Variants in DOCK11 observed in about 807,000 individuals in gnomAD.
DOCK11 encodes dedicator of cytokinesis protein 11.
Under a neutral mutation model 169.1 loss-of-function variants are expected in DOCK11, and 70 were observed. That is an observed-to-expected ratio of 0.41 (90% CI 0.34 to 0.51). The LOEUF (loss-of-function observed/expected upper bound fraction) is 0.51, where lower values mean the gene tolerates loss of function less well. Ranked by LOEUF, DOCK11 falls within the 20% of genes least tolerant of loss-of-function variation. DOCK11 has a pLI of 0.10. For synonymous variants in DOCK11, 529 were observed against 541.3 expected (o/e 0.98, Z 0.32); for missense variants, 1,166 against 1,538.8 (o/e 0.76, Z 4.05).
At chrX:118,525,955 G>A (rs927231269) in intron 1 of DOCK11, among the ~76,000 whole-genome samples, 2 of 112,138 alleles carry the variant, frequency 1.8e-5, no homozygotes, top group Non-Finnish European at 3.8e-5. Flanking sequence ...ACCACTTCCC[G>A]TATAGGTGGC....
intron 7 of DOCK11, among the ~76,000 whole-genome samples, chrX:118,564,736 G>A (rs1207168647): frequency 1.0e-4 from 8 of 79,690 alleles, no homozygotes; most frequent in South Asian, 5.6e-4. Flanking sequence ...TCTCTCTTTC[G>A]TTCTTTCCTT....
At chrX:118,645,911 C>T (rs1169901524) in intron 40 of DOCK11, among the ~76,000 whole-genome samples, 3 of 101,332 alleles carry the variant, frequency 3.0e-5, no homozygotes, top group Non-Finnish European at 6.0e-5. Flanking sequence ...AAAAAATTAG[C>T]TGGGCATGGT....
intron 10 of DOCK11, among the ~76,000 whole-genome samples, chrX:118,571,685 C>T (rs12556842): frequency 0.31 from 34,590 of 110,882 alleles, 4,247 homozygotes; most frequent in East Asian, 0.51. Flanking sequence ...AACCAAATTT[C>T]GACTGTCCTG....
intron 1 of DOCK11, among the ~76,000 whole-genome samples, chrX:118,507,530 A>G (rs1244094082): frequency 9.0e-6 from 1 of 110,937 alleles, no homozygotes; most frequent in Non-Finnish European, 1.9e-5. Context: ...TTGTGTTTTT[A>G]GTAGAGACGG....
intron 1 of DOCK11, among the ~76,000 whole-genome samples, chrX:118,528,904 C>T (rs2011443592): frequency 9.1e-6 from 1 of 110,495 alleles, no homozygotes; most frequent in Non-Finnish European, 1.9e-5. Context: ...ATTACCAGCA[C>T]AAATGGAGTT....
At position 118,649,520 on chromosome X, in the gene DOCK11, A is replaced by G. The variant is rs556876260; in HGVS notation, c.4581+393A>G. Among the ~76,000 whole-genome samples the G allele has an allele frequency of 2.5e-4, 28 of 110,937 alleles. 1 individual carries two copies. Among genetic ancestry groups the G allele is most frequent in the African/African-American group, 9.2e-4 (28 of 30,523 alleles). ...TAGGCTTTATTTCAAATTTTATTTT[A>G]TTTTATTTTATTTTTTGAGACGGAG... On this transcript the variant is annotated intron_variant, in intron 41 of 52. Transcript: ENST00000276202.
chrX:118,518,232 G>C (rs1025946921), intron 1 of DOCK11, among the ~76,000 whole-genome samples: 2 of 111,623 alleles, frequency 1.8e-5, no homozygotes, highest in African/African-American at 6.5e-5. Context: ...GAAATGGAAG[G>C]TCTTGCCTCT....
chrX:118,605,443 C>T (rs753352315), intron 24 of DOCK11, 87 bp downstream of exon 24: 5 of 595,051 alleles, frequency 8.4e-6, no homozygotes, highest in Non-Finnish European at 1.3e-5. Flanking sequence ...TATAAACTTC[C>T]CTCTTAGAAC....
rs1190348613 is a variant in DOCK11 at position 118,615,339 on chromosome X, A to T, written c.3181-261A>T. 6.2e-5 allele frequency among the ~76,000 whole-genome samples: 7 copies of T among 112,221 alleles called. No individual in the cohort carries two copies. The Admixed American group carries it at 6.6e-4, about 11-fold the overall frequency. ...TCACAATGTTTGTACAAATAGTCTA[A>T]GCAGGCTGACACAGAAGGTGCAACT... On this transcript the variant is annotated intron_variant, in intron 29 of 52. Transcript: ENST00000276202.
rs1184712869 is a variant in DOCK11, at chrX:118,531,702, C to T, written c.103-11023C>T. 4.6e-5 allele frequency among the ~76,000 whole-genome samples: 5 copies of T among 109,010 alleles called. 1 individual carries two copies. In the South Asian group the frequency reaches 1.2e-3, roughly 26 times the overall value. The allele number at this position is 109,010 out of a possible 115,157, so 94.7% of individuals were successfully genotyped here. On this transcript the variant is annotated intron_variant, in intron 1 of 52. Transcript: ENST00000276202. ...CCTCCCGAGTAGCTGGGATTACAGG[C>T]GCCCGCCACCACATCTGGCTAACTT...
chrX:118,685,499 T>C (rs371810306), intron 52 of DOCK11, 189 bp from the exon 53 acceptor site: 20 of 419,996 alleles, frequency 4.8e-5, no homozygotes, highest in Middle Eastern at 7.5e-4. Context: ...GCTTTTTTGA[T>C]ATGCTGCCTT....
rs930525753 is a variant in DOCK11, at chrX:118,585,200, C to T, written c.1795+83C>T. On this transcript the variant is annotated intron_variant, in intron 16 of 52. Coordinates refer to ENST00000276202, the MANE Select transcript of DOCK11 (RefSeq NM_144658.4). Reference sequence around the variant, plus strand: ...CTTTCAATATTTTTCTTGAGGTTTACGTGGCATATTAGTTTCCCAGGGTTG... The same window carrying T: ...CTTTCAATATTTTTCTTGAGGTTTATGTGGCATATTAGTTTCCCAGGGTTG... The T allele has an allele frequency of 4.7e-5, 42 of 898,678 alleles. No homozygotes were observed. The Middle Eastern group carries it at 1.0e-3, about 22-fold the overall frequency. The allele number at this position is 898,678 out of a possible 1,213,427, so 74.1% of individuals were successfully genotyped here.
intron 49 of DOCK11, 37 bp downstream of exon 49, chrX:118,680,729 T>C (rs747220372): frequency 9.2e-7 from 1 of 1,089,826 alleles, no homozygotes; most frequent in East Asian, 3.2e-5. Context: ...CTTATTTGTC[T>C]TGGTCTTTTT....
intron 40 of DOCK11, among the ~76,000 whole-genome samples, chrX:118,647,715 T>TA (rs1284199183): frequency 1.8e-5 from 1 of 54,606 alleles, no homozygotes; most frequent in East Asian, 5.9e-4. Context: ...AATAATATAA[T>TA]ATATAATAAT....
intron 10 of DOCK11, among the ~76,000 whole-genome samples, chrX:118,570,125 T>C (rs2013227729): frequency 8.9e-6 from 1 of 112,255 alleles, no homozygotes; most frequent in South Asian, 3.7e-4. Flanking sequence ...GTTGTATCTG[T>C]CGAGTACCTT....
At chrX:118,549,106 C>CTGTGTGTGTGTGTGTGTGTGTGTGTGTG (rs57680469) in intron 6 of DOCK11, among the ~76,000 whole-genome samples, 61 of 99,114 alleles carry the variant, frequency 6.2e-4, no homozygotes, top group African/African-American at 2.3e-3. Context: ...TGCTCATATT[C>CTGTGTGTGTGTGTGTGTGTGTGTGTGTG]TGTGTGTGTG....
At chrX:118,632,550 CT>C (rs1312380347) in intron 35 of DOCK11, 1 of 111,667 alleles carries the variant, frequency 9.0e-6, no homozygotes, top group Non-Finnish European at 1.9e-5. Flanking sequence ...ATTCTAATTA[CT>C]TTGTCTTGTC....
At chrX:118,589,201 C>T (rs1009916956) in intron 18 of DOCK11, among the ~76,000 whole-genome samples, 6 of 109,522 alleles carry the variant, frequency 5.5e-5, no homozygotes, top group African/African-American at 1.0e-4. Context: ...ATAATAGCCC[C>T]TACCTTTGAA....
intron 42 of DOCK11, among the ~76,000 whole-genome samples, chrX:118,653,325 C>T (rs1286507764): frequency 9.0e-6 from 1 of 111,619 alleles, no homozygotes; most frequent in African/African-American, 3.3e-5. Context: ...AATGGGATCT[C>T]TATTAATGTA....
Sources: allele counts gnomAD v4.1 joint callset (sites outside exome capture counted in the v4.1 genomes callset), GRCh38; gene constraint gnomAD v4.1.1; transcripts MANE v1.5; gene names NCBI Gene and HGNC (gene_info 2026-07-23, HGNC 2026-07-21).